Variants in TUSC3 observed in about 807,000 individuals in gnomAD.
TUSC3 encodes dolichyl-diphosphooligosaccharide--protein glycosyltransferase subunit TUSC3.
In TUSC3, 45 loss-of-function variants were observed where a neutral mutation model predicts 44.8. That is an observed-to-expected ratio of 1.00 (90% CI 0.79 to 1.29). The LOEUF (loss-of-function observed/expected upper bound fraction) is 1.29, where lower values mean the gene tolerates loss of function less well. Ranked by LOEUF, TUSC3 falls within the 50% of genes most tolerant of loss-of-function variation. The probability of loss-of-function intolerance (pLI) is 0.00; values close to 1 mark genes in which losing one functional copy is unlikely to be tolerated. For synonymous variants in TUSC3, 212 were observed against 152.9 expected (o/e 1.39, Z -2.85); for missense variants, 519 against 437.9 (o/e 1.19, Z -1.65).
chr8:15,740,823 C>A (rs1275656878), intron 7 of TUSC3, among the ~76,000 whole-genome samples: 1 of 152,170 alleles, frequency 6.6e-6, no homozygotes, highest in East Asian at 1.9e-4. Flanking sequence ...ACTAGGAGAC[C>A]TGTGAAAATA....
the TUSC3 span, among the ~76,000 whole-genome samples, chr8:15,790,099 G>A: frequency 8.6e-5 from 13 of 150,432 alleles, no homozygotes; most frequent in Non-Finnish European, 1.5e-4. Flanking sequence ...AGGTTATTCC[G>A]AAATCTCTAG....
At chr8:15,822,506 A>G in the TUSC3 span, among the ~76,000 whole-genome samples, 1 of 152,146 alleles carries the variant, frequency 6.6e-6, no homozygotes, top group Non-Finnish European at 1.5e-5. Flanking sequence ...GAGGGATGTG[A>G]AAATTTGTAT....
chr8:15,750,156 T>G (rs564752753), intron 9 of TUSC3, among the ~76,000 whole-genome samples: 1 of 151,760 alleles, frequency 6.6e-6, no homozygotes, highest in African/African-American at 2.4e-5. Context: ...ATTTTTTGTA[T>G]TTTTAGTAGA....
intron 2 of TUSC3, among the ~76,000 whole-genome samples, chr8:15,526,350 A>G (rs1244672028): frequency 6.6e-6 from 1 of 152,146 alleles, no homozygotes; most frequent in Non-Finnish European, 1.5e-5. Flanking sequence ...TCATCTTGAT[A>G]ATGATTACAT....
chr8:15,790,744 C>G, the TUSC3 span, among the ~76,000 whole-genome samples: 1 of 152,024 alleles, frequency 6.6e-6, no homozygotes, highest in African/African-American at 2.4e-5. Context: ...AATGATAGAA[C>G]TGGTAAAAAC....
intron 1 of TUSC3, among the ~76,000 whole-genome samples, chr8:15,423,801 C>A (rs73189452): frequency 0.14 from 20,590 of 151,774 alleles, 1,533 homozygotes; most frequent in South Asian, 0.21. Context: ...TATCCATAAA[C>A]CTGTCTCGCT....
At chr8:15,826,408 T>C in the TUSC3 span, among the ~76,000 whole-genome samples, 1 of 152,196 alleles carries the variant, frequency 6.6e-6, no homozygotes, top group Non-Finnish European at 1.5e-5. Context: ...TTTCAGTATG[T>C]TCTTTGCGGA....
chr8:15,803,250 A>C, the TUSC3 span, among the ~76,000 whole-genome samples: 1 of 152,198 alleles, frequency 6.6e-6, no homozygotes, highest in Non-Finnish European at 1.5e-5. Flanking sequence ...GCAATTTTTC[A>C]TCATTCTTTC....
At chr8:15,690,983 A>C (rs567643148) in intron 6 of TUSC3, among the ~76,000 whole-genome samples, 1 of 98,154 alleles carries the variant, frequency 1.0e-5, no homozygotes, top group African/African-American at 3.0e-5. Flanking sequence ...TTGGCTATTC[A>C]GGCTATTTTT....
chr8:15,517,134 A>T (rs1313093270), intron 2 of TUSC3, among the ~76,000 whole-genome samples: 1 of 152,158 alleles, frequency 6.6e-6, no homozygotes, highest in African/African-American at 2.4e-5. Flanking sequence ...AAAGTACTCC[A>T]GGGATTCTCT....
At chr8:15,692,176 T>G (rs1019275693) in intron 6 of TUSC3, among the ~76,000 whole-genome samples, 14 of 152,182 alleles carry the variant, frequency 9.2e-5, no homozygotes, top group African/African-American at 3.4e-4. Flanking sequence ...TAAAGACTAC[T>G]TGATCATGGT....
At chr8:15,775,551 C>G in the TUSC3 span, among the ~76,000 whole-genome samples, 2 of 151,714 alleles carry the variant, frequency 1.3e-5, no homozygotes, top group African/African-American at 2.4e-5. Flanking sequence ...AGACATGGTT[C>G]TCTTATCCGG....
At chr8:15,597,558 C>T (rs1324804224) in intron 1 of TUSC3, among the ~76,000 whole-genome samples, 1 of 151,876 alleles carries the variant, frequency 6.6e-6, no homozygotes, top group African/African-American at 2.4e-5. Context: ...AGAATCAAGC[C>T]TATAAAATAT....
chr8:15,693,397 A>G (rs1809008479), intron 6 of TUSC3, among the ~76,000 whole-genome samples: 1 of 143,042 alleles, frequency 7.0e-6, no homozygotes, highest in South Asian at 2.3e-4. Context: ...TTATTTGCTT[A>G]TGAAGCTGAA....
chr8:15,716,376 A>G (rs977601356), intron 6 of TUSC3, among the ~76,000 whole-genome samples: 3 of 152,182 alleles, frequency 2.0e-5, no homozygotes, highest in African/African-American at 7.2e-5. Flanking sequence ...CTTAAAAAAA[A>G]AAGCCAGTTT....
chr8:15,733,596 T>C (rs1308611219), intron 7 of TUSC3: 1 of 216,914 alleles, frequency 4.6e-6, no homozygotes, highest in East Asian at 1.4e-4. Context: ...TGTTTTCATA[T>C]AGATCTTAGC....
chr8:15,525,205 A>G (rs918699458), intron 2 of TUSC3, among the ~76,000 whole-genome samples: 7 of 152,120 alleles, frequency 4.6e-5, no homozygotes, highest in Non-Finnish European at 1.0e-4. Context: ...CTTGATCTCT[A>G]TCCCCTTCTT....
chr8:15,796,804 C>G, the TUSC3 span, among the ~76,000 whole-genome samples: 76 of 152,288 alleles, frequency 5.0e-4, no homozygotes, highest in African/African-American at 1.8e-3. Context: ...ATGCTGCTTC[C>G]TTTTGCCAGC....
chr8:15,581,451 A>G (rs1803329733), intron 1 of TUSC3, among the ~76,000 whole-genome samples: 1 of 148,148 alleles, frequency 6.8e-6, no homozygotes, highest in Non-Finnish European at 1.5e-5. Flanking sequence ...TTGTGGTTTT[A>G]TCTACTTTTG....
Sources: allele counts gnomAD v4.1 joint callset (sites outside exome capture counted in the v4.1 genomes callset), GRCh38; gene constraint gnomAD v4.1.1; transcripts MANE v1.5; gene names NCBI Gene and HGNC (gene_info 2026-07-23, HGNC 2026-07-21).